RYR3: variants seen among roughly 807,000 people sequenced by gnomAD.
RYR3 encodes the protein brain ryanodine receptor-calcium release channel.
Under a neutral mutation model 584.3 loss-of-function variants are expected in RYR3, and 207 were observed. The observed-to-expected ratio is 0.35, with a 90% CI of 0.32 to 0.40. The LOEUF is 0.40. Among genes scored for constraint, RYR3 ranks in the 10% least tolerant of loss-of-function variants. RYR3 has a pLI of 1.00. For synonymous variants in RYR3, 2,416 were observed against 2,248.5 expected, an observed-to-expected ratio of 1.07 and a Z score of -2.11; for missense variants, 5,616 against 6,089.2, an observed-to-expected ratio of 0.92 and a Z score of 2.59.
At chr15:33,855,886 T>G (rs2079606106) in intron 98 of RYR3, 3 of 152,216 alleles carry the variant, frequency 2.0e-5, no homozygotes, top group African/African-American at 7.2e-5. Context: ...GTATACAGAT[T>G]CAAACTGTTT....
intron 2 of RYR3, among the ~76,000 whole-genome samples, chr15:33,487,637 A>G (rs1012115436): frequency 6.6e-6 from 1 of 152,154 alleles, no homozygotes; most frequent in Non-Finnish European, 1.5e-5. Flanking sequence ...GTGAGGTTCT[A>G]TGGGGACCAT....
intron 1 of RYR3, among the ~76,000 whole-genome samples, chr15:33,313,089 G>A (rs907682113): frequency 1.3e-5 from 2 of 152,168 alleles, no homozygotes; most frequent in South Asian, 2.1e-4. Context: ...AACCATGGGG[G>A]CAGTGACTCC....
chr15:33,419,945 C>T (rs536311411), intron 1 of RYR3, among the ~76,000 whole-genome samples: 1 of 152,294 alleles, frequency 6.6e-6, no homozygotes, highest in African/African-American at 2.4e-5. Flanking sequence ...ATATGCCAAG[C>T]ACACTTGAGA....
At chr15:33,410,986 G>A (rs1288646366) in intron 1 of RYR3, among the ~76,000 whole-genome samples, 1 of 152,180 alleles carries the variant, frequency 6.6e-6, no homozygotes, top group Non-Finnish European at 1.5e-5. Context: ...TCACTGCCAT[G>A]AGAACAGTAT....
rs112947352 is a variant in RYR3, at chr15:33,339,288, G to A, written c.51+28192G>A. Among the ~76,000 whole-genome samples the A allele has an allele frequency of 5.3e-5, 8 of 152,312 alleles. No individual in the cohort carries two copies. The South Asian group carries it at 1.7e-3, about 32-fold the overall frequency. On this transcript the variant is annotated intron_variant, in intron 1 of 103. Coordinates refer to ENST00000634891, the MANE Select transcript of RYR3 (RefSeq NM_001036.6). ...AGACTGGAAGGGCTGATGGGCTCACGGAGAGCTCTTTCTGAGATTTACGTT... is the reference window on the plus strand; with the variant it reads ...AGACTGGAAGGGCTGATGGGCTCACAGAGAGCTCTTTCTGAGATTTACGTT...
At chr15:33,528,754 G>A (rs2054604691) in intron 3 of RYR3, among the ~76,000 whole-genome samples, 2 of 152,158 alleles carry the variant, frequency 1.3e-5, no homozygotes, top group African/African-American at 4.8e-5. Context: ...AAGCTCTGTA[G>A]GAAAACCACT....
intron 38 of RYR3, among the ~76,000 whole-genome samples, chr15:33,689,917 C>G (rs868362245): frequency 6.6e-6 from 1 of 152,154 alleles, no homozygotes; most frequent in African/African-American, 2.4e-5. Context: ...TTGTAGAGTA[C>G]TTAACCTTGG....
At chr15:33,794,727 T>C (rs537838661) in intron 67 of RYR3, among the ~76,000 whole-genome samples, 1 of 152,274 alleles carries the variant, frequency 6.6e-6, no homozygotes, top group Non-Finnish European at 1.5e-5. Flanking sequence ...TCATATGAGC[T>C]GTGCTGAGAA....
At chr15:33,815,226 G>A (rs901909649) in intron 74 of RYR3, among the ~76,000 whole-genome samples, 4 of 152,190 alleles carry the variant, frequency 2.6e-5, no homozygotes, top group Non-Finnish European at 5.9e-5. Flanking sequence ...AGTCATGGGC[G>A]TTAAGGCTGC....
chr15:33,604,304 T>C (rs533996191), intron 18 of RYR3, among the ~76,000 whole-genome samples: 5 of 152,342 alleles, frequency 3.3e-5, no homozygotes, highest in Non-Finnish European at 7.3e-5. Flanking sequence ...ACATAACTTA[T>C]CGCATTTTCT....
At chr15:33,754,541 T>G (rs2071625526) in intron 57 of RYR3, among the ~76,000 whole-genome samples, 1 of 152,196 alleles carries the variant, frequency 6.6e-6, no homozygotes, top group Non-Finnish European at 1.5e-5. Flanking sequence ...AAGCCTTTAT[T>G]GCAGCATCAG....
intron 1 of RYR3, among the ~76,000 whole-genome samples, chr15:33,461,791 T>C (rs1039373332): frequency 8.5e-5 from 13 of 152,214 alleles, no homozygotes; most frequent in African/African-American, 2.7e-4. Flanking sequence ...CAGATTCTTC[T>C]GGTCCTGAAT....
chr15:33,796,527 T>C (rs1187032346), intron 67 of RYR3, among the ~76,000 whole-genome samples: 1 of 152,214 alleles, frequency 6.6e-6, no homozygotes, highest in Non-Finnish European at 1.5e-5. Flanking sequence ...CCTGTGACTG[T>C]GCTCAGTTAT....
intron 3 of RYR3, among the ~76,000 whole-genome samples, chr15:33,529,435 CA>C (rs1473926488): frequency 2.6e-5 from 4 of 152,180 alleles, no homozygotes; most frequent in African/African-American, 9.7e-5. Context: ...CTTTCCTCTG[CA>C]TTGCTCATTG....
intron 1 of RYR3, among the ~76,000 whole-genome samples, chr15:33,426,938 T>G (rs2044699371): frequency 6.6e-6 from 1 of 152,180 alleles, no homozygotes; most frequent in South Asian, 2.1e-4. Context: ...TCTGTCTACT[T>G]ATAAGGGCAC....
chr15:33,835,157 C>A, intron 87 of RYR3, 85 bp downstream of exon 87: 1 of 1,053,908 alleles, frequency 9.5e-7, no homozygotes, highest in Non-Finnish European at 1.4e-6. Flanking sequence ...TGTGATGTGG[C>A]TGCTTGATCA....
In RYR3 at chr15:33,669,406, A is replaced by T. The variant is rs761272607; in HGVS notation, c.5672A>T (p.Glu1891Val). 1 of 1,613,920 alleles carries T rather than the reference A, an allele frequency of 6.2e-7. No homozygotes were observed. Among genetic ancestry groups the T allele is most frequent in the Non-Finnish European group, 8.5e-7 (1 of 1,179,874 alleles). The change falls in exon 37 of 104, where the codon GAG becomes GTG. Residue 1891 changes from glutamate to valine, a missense_variant. By Grantham distance (121) the Glu-to-Val change is moderately radical (BLOSUM62 -2). Around this residue, in one of 9 missense-constraint regions of RYR3, gnomAD observed 1,280 missense variants for 1,426.2 expected, o/e 0.90. Transcript: ENST00000634891. ...GGAGAGAACTGCCCCTGCCCAGAGG[A>T]GATTCGGGAGGAGCTGTATGATTTC... ...QLGENCPCPE[E>V]IREELYDFHE... is the part of the protein sequence containing the mutation.
intron 46 of RYR3, among the ~76,000 whole-genome samples, chr15:33,727,228 A>G (rs985738757): frequency 6.6e-6 from 1 of 152,200 alleles, no homozygotes. Context: ...GACATTTGAC[A>G]TCAGTCAGTG....
At chr15:33,487,201 G>GAA (rs61232070) in intron 2 of RYR3, among the ~76,000 whole-genome samples, 5,117 of 144,484 alleles carry the variant, frequency 0.035, 276 homozygotes, top group African/African-American at 0.12. Context: ...CCATCTCAAA[G>GAA]AAAAAAAAAA....
Sources: allele counts gnomAD v4.1 joint callset (sites outside exome capture counted in the v4.1 genomes callset), GRCh38; gene constraint gnomAD v4.1.1; regional missense constraint gnomAD v4.1.1; transcripts MANE v1.5; gene names NCBI Gene and HGNC (gene_info 2026-07-23, HGNC 2026-07-21).